ITSN1: variants seen among roughly 807,000 people sequenced by gnomAD.
ITSN1 encodes intersectin 1.
A neutral mutation model predicts 239.8 loss-of-function variants in ITSN1; 58 were observed. That is an observed-to-expected ratio of 0.24 (90% CI 0.20 to 0.30). The LOEUF is 0.30. ITSN1 is among the 10% of genes least tolerant of loss of function. ITSN1 has a pLI of 1.00. For missense variants in ITSN1, 1,558 were observed against 2,103.3 expected (o/e 0.74, Z 5.07); for synonymous variants, 780 against 770.8 (o/e 1.01, Z -0.20).
At chr21:33,704,973 T>C (rs1436645125) in intron 1 of ITSN1, among the ~76,000 whole-genome samples, 1 of 142,048 alleles carries the variant, frequency 7.0e-6, no homozygotes, top group Non-Finnish European at 1.5e-5. Flanking sequence ...TAGCCAGGCG[T>C]GGTGGCAGGT....
At position 33,885,096 on chromosome 21, in the gene ITSN1, A is replaced by C; in HGVS notation, c.4732A>C (p.Lys1578Gln). ...AASELYIETE[K>Q]KKREKAYLVR... ...TTCTGAACTCTACATAGAGACTGAG[A>C]AAAAGAAGCGCGAGAAAGCGTACCT... is the stretch of plus-strand genomic sequence containing the variant. The change falls in exon 37 of 40, where the codon AAA (lysine) becomes CAA (glutamine). Residue 1578 changes from lysine (K) to glutamine (Q), a missense_variant. Physicochemically the swap from Lys to Gln is moderately conservative, Grantham distance 53 (BLOSUM62 1). Transcript: ENST00000381318. 2 of 1,613,982 alleles carry C rather than the reference A, an allele frequency of 1.2e-6. No individual in the cohort carries two copies. The highest frequency in any genetic ancestry group is 2.2e-5 in the South Asian group (2 of 91,066).
chr21:33,817,621 G>A, intron 22 of ITSN1: 2 of 1,263,008 alleles, frequency 1.6e-6, no homozygotes, highest in Non-Finnish European at 2.1e-6. Flanking sequence ...ATAGTGCTTT[G>A]TGGTTAATAA....
rs13047880 is a variant in ITSN1, at chr21:33,721,218, G to T, written c.69G>T (p.Ala23=). ...GGGCCATAACTGTAGAGGAAAGAGC[G>T]AAGCATGATCAGCAGTTCCATAGTT... is the stretch of plus-strand genomic sequence containing the variant. ...DIWAITVEER[A]KHDQQFHSLK... Residue 23 remains alanine (A), a synonymous_variant, in exon 3 of 40, where the codon GCG becomes GCT. Transcript: ENST00000381318. The T allele has an allele frequency of 6.2e-7, 1 of 1,613,530 alleles. No individual in the cohort carries two copies. The highest frequency in any genetic ancestry group is 8.5e-7 in the Non-Finnish European group (1 of 1,179,490).
rs1986206369 is a variant in ITSN1, at chr21:33,889,445, C to T, written c.*1145C>T. The T allele has an allele frequency of 6.6e-6, 1 of 152,188 alleles. No homozygotes were observed. The highest frequency in any genetic ancestry group is 2.4e-5 in the African/African-American group (1 of 41,450). The allele number at this position is 152,188 out of a possible 1,614,324, so 9.4% of individuals were successfully genotyped here. ...AAGACACTTTTCCACCCTCCACCAC[C>T]CCAACCTCACATAATATGCTTGTTG... On this transcript the variant is annotated 3_prime_UTR_variant, in exon 40 of 40. Coordinates refer to ENST00000381318, the MANE Select transcript of ITSN1 (RefSeq NM_003024.3).
intron 34 of ITSN1, among the ~76,000 whole-genome samples, chr21:33,875,937 C>T (rs1407368369): frequency 6.6e-6 from 1 of 152,238 alleles, no homozygotes; most frequent in East Asian, 1.9e-4. Flanking sequence ...ACCTCGGCCT[C>T]CCAAAGTGCT....
chr21:33,661,247 A>AG (rs1321251299), intron 1 of ITSN1, among the ~76,000 whole-genome samples: 1 of 151,910 alleles, frequency 6.6e-6, no homozygotes, highest in Non-Finnish European at 1.5e-5. Flanking sequence ...CCTGTAAAAA[A>AG]AAAATGGCTA....
intron 8 of ITSN1, among the ~76,000 whole-genome samples, chr21:33,755,735 G>A (rs1173558015): frequency 6.6e-6 from 1 of 152,180 alleles, no homozygotes; most frequent in Non-Finnish European, 1.5e-5. Context: ...TGATGAACTT[G>A]AAGCTGTCTG....
chr21:33,775,641 G>A (rs186193363), intron 14 of ITSN1, among the ~76,000 whole-genome samples: 2 of 152,276 alleles, frequency 1.3e-5, no homozygotes, highest in East Asian at 3.9e-4. Context: ...AAGTCCTGAG[G>A]TCGTAGCAGG....
intron 1 of ITSN1, among the ~76,000 whole-genome samples, chr21:33,652,598 A>G (rs977090365): frequency 3.9e-5 from 6 of 152,198 alleles, no homozygotes; most frequent in African/African-American, 1.4e-4. Context: ...CCTTTGCAGC[A>G]TACCGCTCTC....
chr21:33,650,030 GAAA>G (rs1165691619), intron 1 of ITSN1, among the ~76,000 whole-genome samples: 2 of 89,964 alleles, frequency 2.2e-5, no homozygotes, highest in Admixed American at 1.2e-4. Context: ...CTCTGTCTCA[GAAA>G]AAAAAAAAAA....
rs776509377 is a variant in ITSN1 at position 33,811,149 on chromosome 21, A to G, written c.2494A>G (p.Thr832Ala). ...APAPKLALRE[T>A]PAPLAVTSSE... ...TGCCCCCAAACTGGCCTTGCGTGAG[A>G]CCCCCGCCCCTTTGGCAGTAACCTC... Residue 832 changes from threonine to alanine, a missense_variant, in exon 21 of 40, where the codon ACC (threonine) becomes GCC (alanine). By Grantham distance (58) the Thr-to-Ala change is moderately conservative. Coordinates refer to ENST00000381318, the MANE Select transcript of ITSN1 (RefSeq NM_003024.3). 6.2e-6 allele frequency: 10 copies of G among 1,602,330 alleles called. No individual in the cohort carries two copies. The South Asian group carries it at 1.1e-4, about 18-fold the overall frequency.
chr21:33,813,834 T>C (rs1023903308), intron 21 of ITSN1, 79 bp from the exon 22 acceptor site: 2 of 1,315,196 alleles, frequency 1.5e-6, no homozygotes, highest in South Asian at 1.8e-5. Flanking sequence ...TTTTTTTTTT[T>C]TTTGGTACTT....
chr21:33,736,804 A>T (rs1476987802), intron 5 of ITSN1, among the ~76,000 whole-genome samples: 1 of 152,164 alleles, frequency 6.6e-6, no homozygotes, highest in Non-Finnish European at 1.5e-5. Flanking sequence ...TGGCAACATA[A>T]CAAGGCCTCG....
chr21:33,837,233 C>T, intron 29 of ITSN1: 3 of 1,250,556 alleles, frequency 2.4e-6, no homozygotes, highest in Non-Finnish European at 3.0e-6. Context: ...TACAAAAACA[C>T]ACAGGGTAGT....
intron 17 of ITSN1, among the ~76,000 whole-genome samples, chr21:33,796,704 G>A (rs1602288235): frequency 6.6e-6 from 1 of 152,132 alleles, no homozygotes; most frequent in African/African-American, 2.4e-5. Context: ...AACCTGATTC[G>A]CAGTTTAAAG....
At chr21:33,649,439 C>CT (rs888676351) in intron 1 of ITSN1, among the ~76,000 whole-genome samples, 1 of 152,196 alleles carries the variant, frequency 6.6e-6, no homozygotes, top group African/African-American at 2.4e-5. Flanking sequence ...CATCACTGCT[C>CT]TTTCGGTGTT....
chr21:33,752,167 C>A, intron 7 of ITSN1, among the ~76,000 whole-genome samples: 2 of 149,188 alleles, frequency 1.3e-5, no homozygotes, highest in African/African-American at 2.5e-5. Flanking sequence ...AAGAGGATAA[C>A]AAATGGATAG....
intron 5 of ITSN1, among the ~76,000 whole-genome samples, chr21:33,738,995 C>A (rs1361570747): frequency 2.6e-5 from 4 of 152,094 alleles, no homozygotes; most frequent in African/African-American, 9.6e-5. Context: ...GAGTCTTGCT[C>A]TTTTGCCCAG....
intron 31 of ITSN1, among the ~76,000 whole-genome samples, chr21:33,862,325 G>A (rs776976090): frequency 6.6e-6 from 1 of 152,062 alleles, no homozygotes; most frequent in East Asian, 1.9e-4. Flanking sequence ...CCAAAACAGT[G>A]TTTTTCTTAA....
Sources: allele counts gnomAD v4.1 joint callset (sites outside exome capture counted in the v4.1 genomes callset), GRCh38; gene constraint gnomAD v4.1.1; transcripts MANE v1.5; gene names NCBI Gene and HGNC (gene_info 2026-07-23, HGNC 2026-07-21).